Variants in COLGALT1 observed in about 807,000 individuals in gnomAD.
The protein encoded by COLGALT1 is procollagen galactosyltransferase 1.
A neutral mutation model predicts 60.8 loss-of-function variants in COLGALT1; 43 were observed. The ratio of observed to expected loss-of-function variants is 0.71; its 90% CI spans 0.55 to 0.91. COLGALT1 has a LOEUF of 0.91. COLGALT1 is among the 40% of genes least tolerant of loss of function. The probability of loss-of-function intolerance (pLI) is 0.00; values close to 1 mark genes in which losing one functional copy is unlikely to be tolerated. For synonymous variants in COLGALT1, 369 were observed against 374.2 expected, an observed-to-expected ratio of 0.99 and a Z score of 0.16; for missense variants, 845 against 880.0, an observed-to-expected ratio of 0.96 and a Z score of 0.50.
chr19:17,566,667 T>G (rs1480742388), intron 3 of COLGALT1, among the ~76,000 whole-genome samples: 2 of 152,040 alleles, frequency 1.3e-5, no homozygotes, highest in Non-Finnish European at 2.9e-5. Context: ...TGGTGACGTG[T>G]GCCTGTACGC....
chr19:17,563,683 G>A (rs529479955), intron 3 of COLGALT1, among the ~76,000 whole-genome samples: 1 of 152,096 alleles, frequency 6.6e-6, no homozygotes, highest in African/African-American at 2.4e-5. Context: ...TAGAGACAGG[G>A]TTTCACTATG....
intron 3 of COLGALT1, among the ~76,000 whole-genome samples, chr19:17,563,251 C>T (rs1179913617): frequency 2.3e-5 from 3 of 128,230 alleles, no homozygotes; most frequent in Non-Finnish European, 1.6e-5. Flanking sequence ...AGTGCAGTGG[C>T]GCGATCTTGG....
Position 17,572,483 on chromosome 19 carries a change from A to T in COLGALT1, c.830A>T (p.Glu277Val). 6.2e-7 allele frequency: 1 copy of T among 1,614,012 alleles called. No homozygotes were observed. Among genetic ancestry groups the T allele is most frequent in the East Asian group, 2.2e-5 (1 of 44,862 alleles). Reference protein sequence around the residue: ...IVFAFSCKQAEVQMYVCNKEE... With the variant: ...IVFAFSCKQAVVQMYVCNKEE... ...TCTGTTGCTTCCCTGCCCACTGCAG[A>T]GGTTCAGATGTATGTGTGCAACAAG... is the stretch of plus-strand genomic sequence containing the variant. Residue 277 changes from glutamate to valine, a missense_variant and splice_region_variant, in exon 6 of 12, where the codon GAG becomes GTG. Coordinates refer to ENST00000252599, the MANE Select transcript of COLGALT1 (RefSeq NM_024656.4).
At chr19:17,579,365 A>C in intron 9 of COLGALT1, 117 bp from the exon 10 acceptor site, 1 of 1,348,622 alleles carries the variant, frequency 7.4e-7, no homozygotes, top group Non-Finnish European at 1.0e-6. Flanking sequence ...TAGGAGAGGC[A>C]GGGAGATGCA....
Position 17,581,482 on chromosome 19 carries a change from C to T in COLGALT1, c.*38C>T, listed in dbSNP as rs540408380. 4 of 1,585,022 alleles carry T rather than the reference C, an allele frequency of 2.5e-6. No individual in the cohort carries two copies. The African/African-American group carries it at 4.0e-5, about 16-fold the overall frequency. ...AGAAAGCCAAAGCAGCCATCGGTGG[C>T]CCAGGCTCCACGTGCTTACTGAGGA... On this transcript the variant is annotated 3_prime_UTR_variant, in exon 12 of 12. Coordinates refer to ENST00000252599, the MANE Select transcript of COLGALT1 (RefSeq NM_024656.4).
chr19:17,579,732 T>G, intron 10 of COLGALT1, 123 bp downstream of exon 10: 1 of 1,304,554 alleles, frequency 7.7e-7, no homozygotes, highest in Non-Finnish European at 1.0e-6. Flanking sequence ...AGGCGGGGCT[T>G]GAAGGTGGGG....
intron 5 of COLGALT1, among the ~76,000 whole-genome samples, chr19:17,569,397 G>A (rs922799828): frequency 6.6e-6 from 1 of 151,020 alleles, no homozygotes; most frequent in African/African-American, 2.4e-5. Context: ...AACCCCAAAT[G>A]TTATTTCAAT....
chr19:17,572,224 CT>C (rs1258625406), intron 5 of COLGALT1, among the ~76,000 whole-genome samples: 1 of 151,856 alleles, frequency 6.6e-6, no homozygotes, highest in African/African-American at 2.4e-5. Context: ...AGGAGAATCA[CT>C]TGAACCCGGG....
intron 5 of COLGALT1, among the ~76,000 whole-genome samples, chr19:17,571,696 C>T (rs1006763232): frequency 2.0e-5 from 3 of 151,452 alleles, no homozygotes; most frequent in African/African-American, 7.3e-5. Flanking sequence ...CCAGCCTGGG[C>T]GACAGAACGA....
chr19:17,572,465 C>A lies in COLGALT1; in HGVS notation c.830-18C>A. ...CGCCTGTTTTTACATTTGTCTGTTG[C>A]TTCCCTGCCCACTGCAGAGGTTCAG... On this transcript the variant is annotated intron_variant, in intron 5 of 11. Transcript: ENST00000252599. The A allele has an allele frequency of 6.2e-7, 1 of 1,613,966 alleles. No homozygotes were observed. Among genetic ancestry groups the A allele is most frequent in the Non-Finnish European group, 8.5e-7 (1 of 1,179,952 alleles).
rs537490809 is a variant in COLGALT1 at position 17,577,413 on chromosome 19, G to A, written c.1079G>A (p.Arg360Gln). 5 of 1,562,252 alleles carry A rather than the reference G, an allele frequency of 3.2e-6. No individual in the cohort carries two copies. The highest frequency in any genetic ancestry group is 2.7e-5 in the African/African-American group (2 of 73,644). Residue 360 changes from arginine (R) to glutamine (Q), a missense_variant, in exon 8 of 12, where the codon CGG (arginine) becomes CAG (glutamine). Physicochemically the swap from Arg to Gln is conservative, Grantham distance 43 (BLOSUM62 1). Coordinates refer to ENST00000252599, the MANE Select transcript of COLGALT1 (RefSeq NM_024656.4). ...RRQDRRERML[R>Q]ALQAQEIECR... ...CAGGACCGGCGGGAGCGCATGCTGC[G>A]GGCGCTGCAGGCACAGGAGATCGAG...
chr19:17,567,402 G>T lies in COLGALT1; in HGVS notation c.490-4G>T. 6.2e-7 allele frequency: 1 copy of T among 1,613,390 alleles called. No individual in the cohort carries two copies. On this transcript the variant is annotated splice_region_variant and splice_polypyrimidine_tract_variant and intron_variant, in intron 3 of 11. Transcript: ENST00000252599. Reference sequence around the variant, plus strand: ...ATGCTGATGCTTTGTGGGGTGTTCTGCAGTTTGTAGATGCGGACAACCTGA... The same window carrying T: ...ATGCTGATGCTTTGTGGGGTGTTCTTCAGTTTGTAGATGCGGACAACCTGA...
In COLGALT1 at chr19:17,581,576, C is replaced by A; in HGVS notation, c.*132C>A. On this transcript the variant is annotated 3_prime_UTR_variant, in exon 12 of 12. Transcript: ENST00000252599. ...CTCGTGTGGGGTGGTGTCCAGCCAGCTCTTGCTAAGCAATCACGTGCACAC... is the reference window on the plus strand; with the variant it reads ...CTCGTGTGGGGTGGTGTCCAGCCAGATCTTGCTAAGCAATCACGTGCACAC... The A allele has an allele frequency of 8.1e-7, 1 of 1,228,002 alleles. No homozygotes were observed. The highest frequency in any genetic ancestry group is 1.1e-6 in the Non-Finnish European group (1 of 905,550). 76.1% of individuals were successfully genotyped at this position (1,228,002 alleles called of 1,614,324 possible).
intron 5 of COLGALT1, 45 bp from the exon 6 acceptor site, chr19:17,572,438 C>T: frequency 6.2e-7 from 1 of 1,612,668 alleles, no homozygotes; most frequent in Non-Finnish European, 8.5e-7. Context: ...GCCACTGGGC[C>T]TCGCCTGTTT....
In COLGALT1 at chr19:17,571,488, T is replaced by C. The variant is rs910153430; in HGVS notation, c.830-995T>C. On this transcript the variant is annotated intron_variant, in intron 5 of 11. Transcript: ENST00000252599. ...AAGATACACACTTGGCTGGGCTCAG[T>C]GGATCACTTGAGGTCAGGATTTCGA... is the stretch of plus-strand genomic sequence containing the variant. 2.6e-5 allele frequency among the ~76,000 whole-genome samples: 4 copies of C among 151,654 alleles called. No individual in the cohort carries two copies. The East Asian group carries it at 7.8e-4, about 29-fold the overall frequency.
intron 3 of COLGALT1, among the ~76,000 whole-genome samples, chr19:17,563,780 C>T (rs2076263508): frequency 6.6e-6 from 1 of 152,124 alleles, no homozygotes; most frequent in South Asian, 2.1e-4. Context: ...CGGTGTGAGC[C>T]ACTGCGCCTG....
intron 2 of COLGALT1, among the ~76,000 whole-genome samples, chr19:17,559,995 G>T (rs1787986025): frequency 6.6e-6 from 1 of 152,084 alleles, no homozygotes; most frequent in Admixed American, 6.6e-5. Flanking sequence ...TCACTGTGTT[G>T]CCCAGGCTGG....
In COLGALT1 at chr19:17,567,484, C is replaced by T. The variant is rs768204073; in HGVS notation, c.568C>T (p.Pro190Ser). Residue 190 changes from proline (P) to serine (S), a missense_variant, in exon 4 of 12, where the codon CCC (proline) becomes TCC (serine). Pro to Ser is a moderately conservative substitution (Grantham distance 74). Transcript: ENST00000252599. Reference sequence around the variant, plus strand: ...CGCTGAGAACAAGACGGTGGTCGCCCCCATGCTGGATTCCCGGGCTGCGTA... The same window carrying T: ...CGCTGAGAACAAGACGGTGGTCGCCTCCATGCTGGATTCCCGGGCTGCGTA... ...LIAENKTVVAPMLDSRAAYSN... is the reference protein window; with the variant it reads ...LIAENKTVVASMLDSRAAYSN... 6 of 1,613,894 alleles carry T rather than the reference C, an allele frequency of 3.7e-6. No individual in the cohort carries two copies. In the African/African-American group the frequency reaches 6.7e-5, roughly 18 times the overall value.
At chr19:17,565,626 C>T (rs1174648011) in intron 3 of COLGALT1, among the ~76,000 whole-genome samples, 1 of 152,110 alleles carries the variant, frequency 6.6e-6, no homozygotes, top group African/African-American at 2.4e-5. Flanking sequence ...GCCGAGATCA[C>T]ACCACTGCAC....
Sources: allele counts gnomAD v4.1 joint callset (sites outside exome capture counted in the v4.1 genomes callset), GRCh38; gene constraint gnomAD v4.1.1; transcripts MANE v1.5; gene names NCBI Gene and HGNC (gene_info 2026-07-23, HGNC 2026-07-21).